The following APBB1IP variants were observed in gnomAD, a reference collection of about 807,000 sequenced individuals.
APBB1IP encodes the protein amyloid beta precursor protein binding family B member 1 interacting protein.
APBB1IP carries 27 observed loss-of-function variants against 64.9 expected under a neutral mutation model. That is an observed-to-expected ratio of 0.42 (90% confidence interval 0.31 to 0.57). APBB1IP has a LOEUF of 0.57. Ranked by LOEUF, APBB1IP falls within the 20% of genes least tolerant of loss-of-function variation. The pLI, the probability that APBB1IP is intolerant of heterozygous loss-of-function variation, is 0.20. For synonymous variants in APBB1IP, 392 were observed against 331.0 expected (o/e 1.18, Z -2.00); for missense variants, 812 against 845.5 (o/e 0.96, Z 0.49).
At chr10:26,446,757 C>G (rs1835402869) in intron 2 of APBB1IP, among the ~76,000 whole-genome samples, 1 of 152,048 alleles carries the variant, frequency 6.6e-6, no homozygotes. Flanking sequence ...ACCTATAGTC[C>G]CAGCTACGTG....
chr10:26,478,231 T>TC (rs1269656072), intron 2 of APBB1IP, among the ~76,000 whole-genome samples: 1 of 152,112 alleles, frequency 6.6e-6, no homozygotes, highest in Non-Finnish European at 1.5e-5. Flanking sequence ...GAACAGGTGT[T>TC]CCAGGCAGAG....
intron 8 of APBB1IP, among the ~76,000 whole-genome samples, chr10:26,529,446 G>A (rs1329828159): frequency 6.6e-6 from 1 of 152,244 alleles, no homozygotes; most frequent in Non-Finnish European, 1.5e-5. Flanking sequence ...TTCTGAAGCT[G>A]AAAAAGTCAG....
chr10:26,524,809 G>C (rs1472391536), intron 8 of APBB1IP, among the ~76,000 whole-genome samples: 1 of 152,036 alleles, frequency 6.6e-6, no homozygotes, highest in Non-Finnish European at 1.5e-5. Flanking sequence ...TGGAAAGTAA[G>C]CTACACTCTA....
At chr10:26,545,874 C>T (rs1432161882) in intron 11 of APBB1IP, among the ~76,000 whole-genome samples, 2 of 152,160 alleles carry the variant, frequency 1.3e-5, no homozygotes, top group Admixed American at 1.3e-4. Context: ...CGCTTGAACC[C>T]CGGGAGGTGG....
At chr10:26,545,576 C>T (rs896628270) in intron 11 of APBB1IP, among the ~76,000 whole-genome samples, 98 of 152,028 alleles carry the variant, frequency 6.4e-4, no homozygotes, top group South Asian at 1.2e-3. Flanking sequence ...CTGGCTAACA[C>T]GGTGAAACCC....
chr10:26,499,357 A>T (rs1483787343), intron 4 of APBB1IP, among the ~76,000 whole-genome samples: 1 of 152,158 alleles, frequency 6.6e-6, no homozygotes, highest in African/African-American at 2.4e-5. Context: ...AAAGGCTTAC[A>T]GTAAAATAAA....
intron 8 of APBB1IP, among the ~76,000 whole-genome samples, chr10:26,515,719 G>A (rs1309043670): frequency 1.3e-5 from 2 of 152,122 alleles, no homozygotes; most frequent in Non-Finnish European, 2.9e-5. Flanking sequence ...TGGTGGGAGA[G>A]CCGGAGATTA....
chr10:26,494,740 AT>A (rs1835998716), intron 3 of APBB1IP, among the ~76,000 whole-genome samples: 2 of 152,034 alleles, frequency 1.3e-5, no homozygotes, highest in African/African-American at 4.8e-5. Context: ...CAGGAGAATC[AT>A]TTGAACCCAG....
chr10:26,545,052 C>T (rs1198918196), intron 11 of APBB1IP, among the ~76,000 whole-genome samples: 2 of 152,186 alleles, frequency 1.3e-5, no homozygotes, highest in South Asian at 2.1e-4. Context: ...AGCCAATTTC[C>T]TCATGTGCAA....
chr10:26,465,752 C>T (rs946686842), intron 2 of APBB1IP, among the ~76,000 whole-genome samples: 1 of 152,176 alleles, frequency 6.6e-6, no homozygotes, highest in Non-Finnish European at 1.5e-5. Context: ...TGATACCTAT[C>T]TTCTCAGAGC....
chr10:26,515,343 C>T (rs1191322850), intron 8 of APBB1IP, among the ~76,000 whole-genome samples: 1 of 152,164 alleles, frequency 6.6e-6, no homozygotes, highest in Non-Finnish European at 1.5e-5. Flanking sequence ...CTGCCATTTT[C>T]GATATGTGGT....
chr10:26,481,654 T>G (rs1433539992), intron 2 of APBB1IP, among the ~76,000 whole-genome samples: 1 of 151,908 alleles, frequency 6.6e-6, no homozygotes. Context: ...CCAGCTAATT[T>G]TTTTGGCAGA....
intron 3 of APBB1IP, among the ~76,000 whole-genome samples, chr10:26,494,838 A>G (rs545160844): frequency 2.6e-5 from 4 of 152,162 alleles, no homozygotes; most frequent in Admixed American, 2.0e-4. Flanking sequence ...AAAAACAAAA[A>G]TAAAAAATAA....
chr10:26,496,166 A>G (rs1202766581), intron 3 of APBB1IP, 138 bp from the exon 4 acceptor site: 1 of 518,878 alleles, frequency 1.9e-6, no homozygotes, highest in Non-Finnish European at 3.3e-6. Flanking sequence ...AACATTTTCA[A>G]GTTACCATAT....
At chr10:26,563,059 T>C (rs1330645599) in intron 14 of APBB1IP, among the ~76,000 whole-genome samples, 1 of 152,220 alleles carries the variant, frequency 6.6e-6, no homozygotes, top group Non-Finnish European at 1.5e-5. Flanking sequence ...TCTCTGATAG[T>C]AGCACATCCA....
intron 2 of APBB1IP, among the ~76,000 whole-genome samples, chr10:26,443,413 C>CA (rs71401891): frequency 4.5e-5 from 6 of 132,976 alleles, no homozygotes; most frequent in African/African-American, 8.2e-5. Flanking sequence ...AACTCTATCT[C>CA]AAAAAAAAAA....
intron 3 of APBB1IP, among the ~76,000 whole-genome samples, chr10:26,493,045 C>T (rs1204122834): frequency 6.6e-6 from 1 of 152,174 alleles, no homozygotes; most frequent in Admixed American, 6.5e-5. Flanking sequence ...GGAATGCATT[C>T]TTTTCCCAGG....
chr10:26,564,733 G>A (rs1451754534), intron 14 of APBB1IP, among the ~76,000 whole-genome samples: 2 of 152,102 alleles, frequency 1.3e-5, no homozygotes, highest in Admixed American at 6.5e-5. Context: ...AGCTCGGGAG[G>A]TGGAGTTTGC....
At chr10:26,559,577 A>T (rs905733665) in intron 11 of APBB1IP, among the ~76,000 whole-genome samples, 3 of 151,850 alleles carry the variant, frequency 2.0e-5, no homozygotes, top group African/African-American at 7.3e-5. Context: ...AACTTTTTTT[A>T]AAAAGATGTG....
Sources: allele counts gnomAD v4.1 joint callset (sites outside exome capture counted in the v4.1 genomes callset), GRCh38; gene constraint gnomAD v4.1.1; transcripts MANE v1.5; gene names NCBI Gene and HGNC (gene_info 2026-07-23, HGNC 2026-07-21).